FAM120B: variants seen among roughly 807,000 people sequenced by gnomAD.
The protein encoded by FAM120B is constitutive coactivator of peroxisome proliferator-activated receptor gamma.
A neutral mutation model predicts 96.3 loss-of-function variants in FAM120B; 83 were observed. The ratio of observed to expected loss-of-function variants is 0.86; its 90% CI spans 0.72 to 1.03. The LOEUF (loss-of-function observed/expected upper bound fraction) is 1.03, where lower values mean the gene tolerates loss of function less well. Ranked by LOEUF, FAM120B falls within the 50% of genes least tolerant of loss-of-function variation. FAM120B has a pLI of 0.00. For synonymous variants in FAM120B, 407 were observed against 402.7 expected, an observed-to-expected ratio of 1.01 and a Z score of -0.13; for missense variants, 1,027 against 1,121.2, an observed-to-expected ratio of 0.92 and a Z score of 1.20.
Position 170,330,491 on chromosome 6 carries a change from A to G in FAM120B, c.1958A>G (p.Tyr653Cys). The G allele has an allele frequency of 6.2e-7, 1 of 1,614,170 alleles. No individual in the cohort carries two copies. Among genetic ancestry groups the G allele is most frequent in the Non-Finnish European group, 8.5e-7 (1 of 1,180,024 alleles). ...CTAGCTGTCAAGGAGTGGTTTGTGT[A>G]TCCTGGGAACCCACTGAGGCACCCG... ...TCLAVKEWFV[Y>C]PGNPLRHPDL... The change falls in exon 4 of 11, where the codon TAT (tyrosine) becomes TGT (cysteine). Residue 653 changes from tyrosine (Y) to cysteine (C), a missense_variant. Around this residue, in one of 3 missense-constraint regions of FAM120B, gnomAD observed 880 missense variants for 980.9 expected, o/e 0.90. Coordinates refer to ENST00000476287, the MANE Select transcript of FAM120B (RefSeq NM_032448.3).
chr6:170,373,267 A>G (rs1019567097), intron 6 of FAM120B, among the ~76,000 whole-genome samples: 1 of 152,324 alleles, frequency 6.6e-6, no homozygotes, highest in African/African-American at 2.4e-5. Context: ...TTTCCAAAAT[A>G]CAGGCTACTT....
intron 3 of FAM120B, among the ~76,000 whole-genome samples, chr6:170,326,392 C>T (rs935584793): frequency 7.9e-5 from 12 of 152,208 alleles, no homozygotes; most frequent in African/African-American, 2.9e-4. Context: ...TTCTTCCCCC[C>T]ATTCCTGTCC....
chr6:170,343,896 CTG>C (rs971336619), intron 4 of FAM120B, among the ~76,000 whole-genome samples: 2 of 152,178 alleles, frequency 1.3e-5, no homozygotes, highest in African/African-American at 2.4e-5. Flanking sequence ...CCTCTGAAGA[CTG>C]AGAACCGATG....
In FAM120B at chr6:170,364,951, AT is replaced by A. The variant is rs147237119; in HGVS notation, c.2283+6637del. On this transcript the variant is annotated intron_variant, in intron 6 of 10. Coordinates refer to ENST00000476287, the MANE Select transcript of FAM120B (RefSeq NM_032448.3). ...TGTTCATATAGATGACCATGGGATG[AT>A]TTTCTGATTCACTGGATTGACTTCT... 8.8e-3 allele frequency among the ~76,000 whole-genome samples: 1,347 copies of A among 152,332 alleles called. 67 individuals carry two copies. The East Asian group carries it at 0.1, about 12-fold the overall frequency.
At chr6:170,372,204 T>A (rs893327709) in intron 6 of FAM120B, among the ~76,000 whole-genome samples, 9 of 152,046 alleles carry the variant, frequency 5.9e-5, no homozygotes, top group Non-Finnish European at 1.3e-4. Context: ...TTAATTAAAA[T>A]TTTTTTTAAG....
intron 6 of FAM120B, among the ~76,000 whole-genome samples, chr6:170,387,075 G>A (rs1005529348): frequency 3.9e-5 from 6 of 152,140 alleles, no homozygotes; most frequent in East Asian, 1.9e-4. Flanking sequence ...TCACTAACAC[G>A]TCCTGTTAGC....
upstream of FAM120B, chr6:170,306,549 C>T (rs1784290922): frequency 6.6e-6 from 1 of 152,276 alleles, no homozygotes; most frequent in South Asian, 2.1e-4. Flanking sequence ...CCGAGGTCCG[C>T]CAGCACCAGA....
intron 1 of FAM120B, among the ~76,000 whole-genome samples, chr6:170,296,470 C>G (rs1055612288): frequency 1.3e-5 from 2 of 151,822 alleles, no homozygotes; most frequent in Non-Finnish European, 2.9e-5. Context: ...CCAGGGCCCT[C>G]CCGGTGGACC....
intron 1 of FAM120B, chr6:170,297,864 A>G (rs1228872415): frequency 1.3e-5 from 2 of 152,270 alleles, no homozygotes; most frequent in African/African-American, 4.8e-5. Flanking sequence ...GCCTTTAAAA[A>G]TGTACATAAA....
intron 6 of FAM120B, among the ~76,000 whole-genome samples, chr6:170,385,956 A>C (rs9348319): frequency 0.9 from 136,538 of 152,192 alleles, 61,288 homozygotes; most frequent in East Asian, 0.94. Flanking sequence ...AAGATGAGTG[A>C]TTGCCAGGGG....
chr6:170,374,154 C>T (rs761186069), intron 6 of FAM120B, among the ~76,000 whole-genome samples: 4 of 152,194 alleles, frequency 2.6e-5, no homozygotes, highest in Admixed American at 6.5e-5. Context: ...CACCACTCCG[C>T]GCAGTAAGTT....
At chr6:170,367,896 A>G (rs1014920097) in intron 6 of FAM120B, among the ~76,000 whole-genome samples, 13 of 152,196 alleles carry the variant, frequency 8.5e-5, no homozygotes, top group Non-Finnish European at 1.9e-4. Context: ...GACCCTCGCC[A>G]TGATAAAACC....
chr6:170,391,196 T>C (rs776501358), intron 8 of FAM120B, 75 bp downstream of exon 8: 20 of 995,734 alleles, frequency 2.0e-5, no homozygotes, highest in Middle Eastern at 4.1e-4. Context: ...TGTTGATAAA[T>C]GAATTCTAAG....
intron 3 of FAM120B, among the ~76,000 whole-genome samples, chr6:170,327,783 G>A (rs538397269): frequency 7.0e-6 from 1 of 142,204 alleles, no homozygotes; most frequent in East Asian, 2.2e-4. Flanking sequence ...GCCAGGACAC[G>A]ACCGTATACT....
chr6:170,360,211 A>T (rs375885588), intron 6 of FAM120B, among the ~76,000 whole-genome samples: 1 of 152,194 alleles, frequency 6.6e-6, no homozygotes, highest in African/African-American at 2.4e-5. Context: ...TTCACCAGCT[A>T]TGGGGTCTTG....
In FAM120B at chr6:170,395,569, C is replaced by A. The variant is rs1306464253; in HGVS notation, c.2682C>A (p.Asp894Glu). Residue 894 changes from aspartate (D) to glutamate (E), a missense_variant, in exon 9 of 11, where the codon GAC becomes GAA. By Grantham distance (45) the Asp-to-Glu change is conservative. This residue lies in a region of FAM120B where 142 missense variants were observed against 122.5 expected (regional missense o/e 1.16). Coordinates refer to ENST00000476287, the MANE Select transcript of FAM120B (RefSeq NM_032448.3). ...SRSSQGQPWR[D>E]QGPGSRQYEH... Reference sequence around the variant, plus strand: ...CCAGTCAGGGACAGCCGTGGAGAGACCAGGGACCAGGTAAGAAGGCCAGTG... The same window carrying A: ...CCAGTCAGGGACAGCCGTGGAGAGAACAGGGACCAGGTAAGAAGGCCAGTG... 6.3e-7 allele frequency: 1 copy of A among 1,591,642 alleles called. No homozygotes were observed. Among genetic ancestry groups the A allele is most frequent in the East Asian group, 2.3e-5 (1 of 43,712 alleles).
In FAM120B at chr6:170,348,165, T is replaced by C. The variant is rs1274171067; in HGVS notation, c.2032T>C (p.Leu678=). ...TTCTTAACTAGGGGGAACGCCTAGT[T>C]TGAAAATATTATGGCTGAACCAAGA... ...QMTIPGGTPS[L]KILWLNQEPE... Residue 678 remains leucine (L), a synonymous_variant, in exon 5 of 11, where the codon TTG becomes CTG. Transcript: ENST00000476287. 6.2e-7 allele frequency: 1 copy of C among 1,613,770 alleles called. No homozygotes were observed. Among genetic ancestry groups the C allele is most frequent in the Non-Finnish European group, 8.5e-7 (1 of 1,179,846 alleles).
At chr6:170,348,054 G>A in intron 4 of FAM120B, 97 bp from the exon 5 acceptor site, 1 of 993,452 alleles carries the variant, frequency 1.0e-6, no homozygotes, top group Non-Finnish European at 1.5e-6. Flanking sequence ...ATCAGGAAGG[G>A]AAGAGATTTG....
intron 3 of FAM120B, among the ~76,000 whole-genome samples, chr6:170,326,385 T>C (rs1785590409): frequency 6.6e-6 from 1 of 152,230 alleles, no homozygotes; most frequent in Admixed American, 6.5e-5. Flanking sequence ...GCAATCTTTC[T>C]TCCCCCCATT....
Sources: gnomAD v4.1 joint callset for allele counts (sites outside exome capture counted in the v4.1 genomes callset) on GRCh38, gnomAD v4.1.1 for gene constraint, gnomAD v4.1.1 regional missense constraint, MANE v1.5 for transcripts, NCBI Gene and HGNC (gene_info 2026-07-23, HGNC 2026-07-21) for gene names.